The following SF3B3 variants were observed in gnomAD, a reference collection of about 807,000 sequenced individuals.
The protein encoded by SF3B3 is SAP 130.
A neutral mutation model predicts 139.2 loss-of-function variants in SF3B3; 33 were observed. That is an observed-to-expected ratio of 0.24 (90% CI 0.18 to 0.32). SF3B3 has a LOEUF of 0.32. Ranked by LOEUF, SF3B3 falls within the 10% of genes least tolerant of loss-of-function variation. The pLI is 1.00. For synonymous variants in SF3B3, 596 were observed against 563.6 expected, an observed-to-expected ratio of 1.06 and a Z score of -0.81; for missense variants, 818 against 1,509.4, an observed-to-expected ratio of 0.54 and a Z score of 7.59.
At chr16:70,526,930 A>G (rs1284174900) in intron 2 of SF3B3, 6 of 595,250 alleles carry the variant, frequency 1.0e-5, no homozygotes, top group African/African-American at 1.9e-5. Context: ...CAAATTGTGT[A>G]ATGATTCTTG....
rs1000819809 is a variant in SF3B3, at chr16:70,526,503, C to T, written c.-70-84C>T. 3 of 603,748 alleles carry T rather than the reference C, an allele frequency of 5.0e-6. 1 individual carries two copies. The Admixed American group carries it at 9.6e-5, about 19-fold the overall frequency. The allele number at this position is 603,748 out of a possible 1,614,324, so 37.4% of individuals were successfully genotyped here. A position where few individuals can be genotyped will look rare whatever the true frequency, so the allele number is the denominator to read the frequency against. The stretch of plus-strand genomic sequence containing the variant: ...AATAGGGCTTGCTCTGCTGGTTCTG[C>T]TGTCTTCATCCAGAATTTCCCATAC... On this transcript the variant is annotated intron_variant, in intron 1 of 25. Transcript: ENST00000302516.
chr16:70,560,639 G>T (rs377393359), intron 16 of SF3B3, 48 bp downstream of exon 16: 14 of 1,598,230 alleles, frequency 8.8e-6, no homozygotes, highest in Non-Finnish European at 1.2e-5. Context: ...GATTTTAGTG[G>T]CACCATCTGA....
Position 70,564,050 on chromosome 16 carries a change from G to A in SF3B3, c.2463G>A (p.Glu821=), listed in dbSNP as rs1385662022. 9.3e-6 allele frequency: 15 copies of A among 1,613,734 alleles called. 1 individual carries two copies. The highest frequency in any genetic ancestry group is 3.3e-5 in the South Asian group (3 of 91,036). The change falls in exon 18 of 26, where the codon GAG becomes GAA. Residue 821 remains glutamate (E), a splice_region_variant and synonymous_variant. Transcript: ENST00000302516. ...TKAQRKQQMA[E]EMVEAAGEDE... ...CTCAGAGAAAGCAGCAGATGGCAGA[G>A]GTAATGAGACTAACGTTCAGGGGTT...
chr16:70,541,849 C>G lies in SF3B3; in HGVS notation c.1233+15C>G. ...TGTTTTGCCAGGTTGGTGGGCCTTT[C>G]CAGCCCCTTCCACAATAGATCTAAA... is the stretch of plus-strand genomic sequence containing the variant. On this transcript the variant is annotated intron_variant, in intron 9 of 25. Coordinates refer to ENST00000302516, the MANE Select transcript of SF3B3 (RefSeq NM_012426.5). 6.2e-7 allele frequency: 1 copy of G among 1,607,980 alleles called. No individual in the cohort carries two copies. Among genetic ancestry groups the G allele is most frequent in the Non-Finnish European group, 8.5e-7 (1 of 1,176,106 alleles).
intron 9 of SF3B3, among the ~76,000 whole-genome samples, chr16:70,542,499 C>G (rs768874532): frequency 2.0e-5 from 3 of 152,102 alleles, no homozygotes; most frequent in Non-Finnish European, 4.4e-5. Context: ...TTGCTGCATC[C>G]TCAATTGTCA....
chr16:70,541,788 T>C lies in SF3B3; in HGVS notation c.1187T>C (p.Val396Ala). The C allele has an allele frequency of 6.2e-7, 1 of 1,614,192 alleles. No individual in the cohort carries two copies. Among genetic ancestry groups the C allele is most frequent in the Non-Finnish European group, 8.5e-7 (1 of 1,180,016 alleles). Residue 396 changes from valine (V) to alanine (A), a missense_variant, in exon 9 of 26, where the codon GTG becomes GCG. Coordinates refer to ENST00000302516, the MANE Select transcript of SF3B3 (RefSeq NM_012426.5). ...FFQPRPLKNL[V>A]LVDELDSLSP... Reference sequence around the variant, plus strand: ...CAGCCAAGACCACTTAAAAACCTTGTGCTGGTTGATGAGTTGGACAGCCTC... The same window carrying C: ...CAGCCAAGACCACTTAAAAACCTTGCGCTGGTTGATGAGTTGGACAGCCTC...
At chr16:70,564,618 A>G (rs1244365632) in intron 18 of SF3B3, among the ~76,000 whole-genome samples, 1 of 152,158 alleles carries the variant, frequency 6.6e-6, no homozygotes, top group South Asian at 2.1e-4. Context: ...GACAGCTTTC[A>G]TGTTCTCCAC....
rs879663735 is a variant in SF3B3, at chr16:70,541,696, AGAT to A, written c.1104_1106del (p.Asp368del). ...ACTTATATCAAATTGCACATCTTGG[AGAT>A]GATGATGAAGAACCTGAGTTTTCAT... On this transcript the variant is annotated inframe_deletion, in exon 9 of 26. Transcript: ENST00000302516. 2 of 1,613,934 alleles carry A rather than the reference AGAT, an allele frequency of 1.2e-6. No individual in the cohort carries two copies. Among genetic ancestry groups the A allele is most frequent in the Non-Finnish European group, 8.5e-7 (1 of 1,179,994 alleles).
chr16:70,528,488 T>TTTTTA (rs1188863120), intron 2 of SF3B3, among the ~76,000 whole-genome samples: 2 of 118,698 alleles, frequency 1.7e-5, no homozygotes, highest in African/African-American at 6.3e-5. Context: ...TTTTTTTTTT[T>TTTTTA]AGAGACGATA....
intron 17 of SF3B3, among the ~76,000 whole-genome samples, chr16:70,562,822 A>G (rs1370958636): frequency 6.6e-6 from 1 of 151,652 alleles, no homozygotes; most frequent in Non-Finnish European, 1.5e-5. Context: ...TTATTTAATT[A>G]TTTTTATTTT....
At chr16:70,530,959 C>T (rs972133935) in intron 4 of SF3B3, 42 bp downstream of exon 4, 1 of 1,544,750 alleles carries the variant, frequency 6.5e-7, no homozygotes, top group African/African-American at 1.4e-5. Flanking sequence ...TCAGTCACCT[C>T]AGTGTTTTTT....
chr16:70,563,840 T>C, intron 17 of SF3B3, 36 bp from the exon 18 acceptor site: 1 of 1,605,168 alleles, frequency 6.2e-7, no homozygotes, highest in South Asian at 1.1e-5. Flanking sequence ...TGGGTCCGAG[T>C]GAGTATTAAA....
intron 10 of SF3B3, among the ~76,000 whole-genome samples, chr16:70,546,712 G>T (rs549572214): frequency 7.0e-6 from 1 of 143,082 alleles, no homozygotes; most frequent in South Asian, 2.1e-4. Context: ...AATGACTCAA[G>T]AATCATTTTT....
Position 70,528,950 on chromosome 16 carries a change from G to A in SF3B3, c.148G>A (p.Val50Ile). The change falls in exon 3 of 26, where the codon GTA becomes ATA. Residue 50 changes from valine to isoleucine, a missense_variant. Val to Ile is a conservative substitution (Grantham distance 29, BLOSUM62 3). Coordinates refer to ENST00000302516, the MANE Select transcript of SF3B3 (RefSeq NM_012426.5). ...LLRPDPNTGK[V>I]HTLLTVEVFG... The stretch of plus-strand genomic sequence containing the variant: ...TCGCCCAGACCCCAACACTGGCAAA[G>A]TACATACCCTACTCACTGTGGAAGT... 6.2e-7 allele frequency: 1 copy of A among 1,614,164 alleles called. No homozygotes were observed. Among genetic ancestry groups the A allele is most frequent in the Non-Finnish European group, 8.5e-7 (1 of 1,179,996 alleles).
chr16:70,559,449 G>C (rs1470780580), intron 15 of SF3B3, among the ~76,000 whole-genome samples: 1 of 152,102 alleles, frequency 6.6e-6, no homozygotes, highest in East Asian at 1.9e-4. Context: ...CGCTTTGCGA[G>C]GCTGAGGTGG....
chr16:70,550,754 G>T, intron 11 of SF3B3: 2 of 734,270 alleles, frequency 2.7e-6, no homozygotes, highest in Non-Finnish European at 3.3e-6. Context: ...AAAATATTGA[G>T]GCTGCCCTGA....
rs1373925595 is a variant in SF3B3 at position 70,576,241 on chromosome 16, A to G, written c.*4428A>G. 1 of 152,218 alleles carries G rather than the reference A, an allele frequency of 6.6e-6. No homozygotes were observed. Among genetic ancestry groups the G allele is most frequent in the Non-Finnish European group, 1.5e-5 (1 of 68,044 alleles). 9.4% of individuals were successfully genotyped at this position (152,218 alleles called of 1,614,324 possible). ...AGAAAACCAGGTTTGGAAGTTTCAG[A>G]TTTGGAAAAGGAGCTGGGCCAGCCC... is the stretch of plus-strand genomic sequence containing the variant. On this transcript the variant is annotated 3_prime_UTR_variant, in exon 26 of 26. Coordinates refer to ENST00000302516, the MANE Select transcript of SF3B3 (RefSeq NM_012426.5).
At position 70,567,588 on chromosome 16, in the gene SF3B3, G is replaced by C; in HGVS notation, c.2952+52G>C. On this transcript the variant is annotated intron_variant, in intron 21 of 25. Transcript: ENST00000302516. ...ATCTAGCTCATGTGTCAAGGGTGGG[G>C]GCATTGGTGGGGTGGTGGGCATTGA... 3.8e-6 allele frequency: 6 copies of C among 1,572,502 alleles called. No individual in the cohort carries two copies. In the South Asian group the frequency reaches 5.9e-5, roughly 16 times the overall value.
intron 15 of SF3B3, among the ~76,000 whole-genome samples, chr16:70,558,324 C>T (rs1169879832): frequency 6.6e-6 from 1 of 150,632 alleles, no homozygotes; most frequent in Non-Finnish European, 1.5e-5. Context: ...CTGTGTTGCT[C>T]AGACTGGTCT....
Sources: allele counts gnomAD v4.1 joint callset (sites outside exome capture counted in the v4.1 genomes callset), GRCh38; gene constraint gnomAD v4.1.1; transcripts MANE v1.5; gene names NCBI Gene and HGNC (gene_info 2026-07-23, HGNC 2026-07-21).